The following RBM6 variants were observed in gnomAD, a reference collection of about 807,000 sequenced individuals.
RBM6 encodes the protein RNA-binding protein 6.
RBM6 carries 23 observed loss-of-function variants against 140.4 expected under a neutral mutation model. The ratio of observed to expected loss-of-function variants is 0.16; its 90% CI spans 0.12 to 0.23. RBM6 has a LOEUF of 0.23. RBM6 is among the 10% of genes least tolerant of loss of function. The probability of loss-of-function intolerance (pLI) is 1.00; values close to 1 mark genes in which losing one functional copy is unlikely to be tolerated. For synonymous variants in RBM6, 439 were observed against 475.6 expected (o/e 0.92, Z 1.00); for missense variants, 1,139 against 1,386.7 (o/e 0.82, Z 2.84).
At chr3:50,012,337 C>T (rs1173371259) in intron 6 of RBM6, among the ~76,000 whole-genome samples, 1 of 152,008 alleles carries the variant, frequency 6.6e-6, no homozygotes, top group Non-Finnish European at 1.5e-5. Context: ...CATGAACCAC[C>T]ATGCCCAGTC....
At chr3:50,022,500 T>C (rs952019950) in intron 6 of RBM6, among the ~76,000 whole-genome samples, 3 of 151,986 alleles carry the variant, frequency 2.0e-5, no homozygotes, top group Non-Finnish European at 2.9e-5. Context: ...CTGGCTAATT[T>C]TGTATTTTTA....
rs140180444 is a variant in RBM6 at position 49,975,372 on chromosome 3, A to G, written c.1463A>G (p.Gln488Arg). The G allele has an allele frequency of 3.2e-5, 51 of 1,613,636 alleles. No homozygotes were observed. The highest frequency in any genetic ancestry group is 4.2e-5 in the Non-Finnish European group (50 of 1,179,636). Residue 488 changes from glutamine (Q) to arginine (R), a missense_variant, in exon 5 of 21, where the codon CAG becomes CGG. This residue lies in a region of RBM6 where 566 missense variants were observed against 612.7 expected (regional missense o/e 0.92). Transcript: ENST00000266022. ...TPDGMPVKNL[Q>R]LKEYNTGYDY... ...GATGGCATGCCTGTAAAGAACTTGC[A>G]GTTGAAGGAGTATAACACAGGTGAG...
chr3:50,046,310 T>C (rs1575800305), intron 6 of RBM6, among the ~76,000 whole-genome samples: 2 of 148,774 alleles, frequency 1.3e-5, no homozygotes, highest in African/African-American at 5.0e-5. Context: ...CCAGGCGCAG[T>C]GGCTTACGCC....
chr3:50,060,710 C>G (rs969486640), intron 11 of RBM6: 1 of 253,412 alleles, frequency 3.9e-6, no homozygotes, highest in East Asian at 7.9e-5. Flanking sequence ...GCTGAGATCA[C>G]GCCACCGCAC....
chr3:49,949,152 T>C (rs2083621358), intron 1 of RBM6, among the ~76,000 whole-genome samples: 1 of 151,568 alleles, frequency 6.6e-6, no homozygotes, highest in South Asian at 2.1e-4. Flanking sequence ...TTACCATAAT[T>C]ATACAAGAAT....
chr3:50,000,124 C>T (rs905675515), intron 6 of RBM6, among the ~76,000 whole-genome samples: 1 of 152,154 alleles, frequency 6.6e-6, no homozygotes, highest in African/African-American at 2.4e-5. Context: ...ACTCACCTTA[C>T]GTTTGAACTA....
At position 50,070,482 on chromosome 3, in the gene RBM6, C is replaced by T. The variant is rs144372266; in HGVS notation, c.3046C>T (p.Arg1016Cys). ...AAAGTTTAAAGGAAGAGGAAATGAT[C>T]GCAGGGAAAAGCTCCAGTCTTTTGA... Reference protein sequence around the residue: ...EGKFKGRGNDRREKLQSFDSP... With the variant: ...EGKFKGRGNDCREKLQSFDSP... The change falls in exon 19 of 21, where the codon CGC (arginine) becomes TGC (cysteine). Residue 1016 changes from arginine to cysteine, a missense_variant. Arg to Cys is a radical substitution (Grantham distance 180). Coordinates refer to ENST00000266022, the MANE Select transcript of RBM6 (RefSeq NM_005777.3). 9.8e-5 allele frequency: 158 copies of T among 1,613,866 alleles called. No individual in the cohort carries two copies. Among genetic ancestry groups the T allele is most frequent in the Non-Finnish European group, 1.3e-4 (151 of 1,179,902 alleles).
intron 1 of RBM6, among the ~76,000 whole-genome samples, chr3:49,946,216 C>T (rs2083478551): frequency 6.6e-6 from 1 of 151,898 alleles, no homozygotes; most frequent in Non-Finnish European, 1.5e-5. Context: ...GCATCCTCCA[C>T]ATCCTGGCCA....
At chr3:50,051,432 G>A (rs751693240) in intron 7 of RBM6, among the ~76,000 whole-genome samples, 43 of 152,122 alleles carry the variant, frequency 2.8e-4, no homozygotes, top group Non-Finnish European at 5.0e-4. Context: ...ATCTGAGGTC[G>A]GGAGTTGGAG....
At chr3:50,064,927 C>A in intron 15 of RBM6, 104 bp from the exon 16 acceptor site, 1 of 870,208 alleles carries the variant, frequency 1.1e-6, no homozygotes, top group Non-Finnish European at 1.8e-6. Flanking sequence ...CTGCCTTGAC[C>A]TCCCAGAGTG....
At position 49,962,573 on chromosome 3, in the gene RBM6, C is replaced by G; in HGVS notation, c.-66-3C>G. On this transcript the variant is annotated splice_region_variant and splice_polypyrimidine_tract_variant and intron_variant, in intron 1 of 20. Coordinates refer to ENST00000266022, the MANE Select transcript of RBM6 (RefSeq NM_005777.3). ...ACTAATTTTTGTGGTTTATTTTGTA[C>G]AGGTACTGCTATAACCAGAATTTGG... 2 of 1,374,472 alleles carry G rather than the reference C, an allele frequency of 1.5e-6. No individual in the cohort carries two copies. Among genetic ancestry groups the G allele is most frequent in the Non-Finnish European group, 1.0e-6 (1 of 997,980 alleles). 85.1% of individuals were successfully genotyped at this position (1,374,472 alleles called of 1,614,324 possible).
chr3:49,989,233 G>A (rs960142370), intron 5 of RBM6, among the ~76,000 whole-genome samples: 3 of 152,150 alleles, frequency 2.0e-5, no homozygotes, highest in African/African-American at 7.2e-5. Flanking sequence ...TGTACTCCAT[G>A]CTACAGAAGT....
chr3:50,005,127 A>G (rs1484449605), intron 6 of RBM6, among the ~76,000 whole-genome samples: 1 of 152,160 alleles, frequency 6.6e-6, no homozygotes, highest in Non-Finnish European at 1.5e-5. Context: ...TGGGTTATTG[A>G]AGATACAAGA....
intron 1 of RBM6, among the ~76,000 whole-genome samples, chr3:49,943,310 TA>T (rs1242375161): frequency 2.3e-4 from 34 of 150,782 alleles, no homozygotes; most frequent in African/African-American, 7.7e-4. Context: ...TTATTTTATT[TA>T]TTTTTTTTTG....
At chr3:49,988,385 C>T (rs1455531339) in intron 5 of RBM6, among the ~76,000 whole-genome samples, 2 of 151,912 alleles carry the variant, frequency 1.3e-5, no homozygotes, top group African/African-American at 4.8e-5. Flanking sequence ...CTCAAACAAC[C>T]GTCCTGCCTT....
chr3:49,943,943 G>A (rs1007587663), intron 1 of RBM6, among the ~76,000 whole-genome samples: 13 of 152,188 alleles, frequency 8.5e-5, no homozygotes, highest in African/African-American at 2.9e-4. Flanking sequence ...TTATTTGTGT[G>A]TTTTGATGAT....
chr3:49,967,738 T>C lies in RBM6; in HGVS notation c.313T>C (p.Phe105Leu). Reference sequence around the variant, plus strand: ...GGGGGGAGATTTTTCGTCTTCTGATTTCCAGAGCAGAGATTCATCACAGTT... The same window carrying C: ...GGGGGGAGATTTTTCGTCTTCTGATCTCCAGAGCAGAGATTCATCACAGTT... ...FRGGDFSSSDFQSRDSSQLDF... is the reference protein window; with the variant it reads ...FRGGDFSSSDLQSRDSSQLDF... The change falls in exon 3 of 21, where the codon TTC becomes CTC. Residue 105 changes from phenylalanine (F) to leucine (L), a missense_variant. Phe to Leu is a conservative substitution (Grantham distance 22). Coordinates refer to ENST00000266022, the MANE Select transcript of RBM6 (RefSeq NM_005777.3). This position sits in a 1 kb window ranked among gnomAD's most constrained non-coding sequence, Gnocchi z 4.0. The C allele has an allele frequency of 2.5e-6, 4 of 1,614,094 alleles. No homozygotes were observed. The highest frequency in any genetic ancestry group is 3.4e-6 in the Non-Finnish European group (4 of 1,180,020).
chr3:49,968,243 A>G lies in RBM6; in HGVS notation c.818A>G (p.Glu273Gly), dbSNP rs1206890137. 1.9e-6 allele frequency: 3 copies of G among 1,614,012 alleles called. No homozygotes were observed. In the East Asian group the frequency reaches 6.7e-5, roughly 36 times the overall value. ...ACTGATCAGGATTTTAGGGGCAGAG[A>G]GATGGGATCTTGTATGGAATTTAAA... ...SRTDQDFRGR[E>G]MGSCMEFKDR... The change falls in exon 3 of 21, where the codon GAG (glutamate) becomes GGG (glycine). Residue 273 changes from glutamate (E) to glycine (G), a missense_variant. Glu to Gly is a moderately conservative substitution (Grantham distance 98). This residue lies in a region of RBM6 where 566 missense variants were observed against 612.7 expected (regional missense o/e 0.92). Coordinates refer to ENST00000266022, the MANE Select transcript of RBM6 (RefSeq NM_005777.3).
chr3:50,012,776 CTT>C (rs1236176569), intron 6 of RBM6, among the ~76,000 whole-genome samples: 1 of 94,652 alleles, frequency 1.1e-5, no homozygotes, highest in Non-Finnish European at 2.0e-5. Context: ...GAGTTTTGCT[CTT>C]GTTTCCCAGG....
Sources: gnomAD v4.1 joint callset for allele counts (sites outside exome capture counted in the v4.1 genomes callset) on GRCh38, gnomAD v4.1.1 for gene constraint, gnomAD v4.1.1 regional missense constraint, Gnocchi (gnomAD v3.1) non-coding constraint, MANE v1.5 for transcripts, NCBI Gene and HGNC (gene_info 2026-07-23, HGNC 2026-07-21) for gene names.